ZBTB4: variants seen among roughly 807,000 people sequenced by gnomAD.
ZBTB4 encodes zinc finger and BTB domain containing 4.
In ZBTB4, 14 loss-of-function variants were observed where a neutral mutation model predicts 59.8. The ratio of observed to expected loss-of-function variants is 0.23; its 90% CI spans 0.15 to 0.37. The LOEUF is 0.37. Among genes scored for constraint, ZBTB4 ranks in the 10% least tolerant of loss-of-function variants. ZBTB4 has a pLI of 1.00. For synonymous variants in ZBTB4, 587 were observed against 575.2 expected, an observed-to-expected ratio of 1.02 and a Z score of -0.29; for missense variants, 1,198 against 1,380.8, an observed-to-expected ratio of 0.87 and a Z score of 2.10.
chr17:7,479,925 G>A (rs1328973065), upstream of ZBTB4, among the ~76,000 whole-genome samples: 1 of 151,814 alleles, frequency 6.6e-6, no homozygotes, highest in Non-Finnish European at 1.5e-5. Flanking sequence ...CCTCCTGCAC[G>A]CCCTTCACTC....
Position 7,465,914 on chromosome 17 carries a change from G to C in ZBTB4, c.888C>G (p.Pro296=). The C allele has an allele frequency of 6.2e-7, 1 of 1,611,498 alleles. No homozygotes were observed. Residue 296 remains proline, a synonymous_variant, in exon 3 of 4, where the codon CCC becomes CCG. Transcript: ENST00000380599. ...CGCCCACCACCTTCACCACGTGCTC[G>C]GGGCCCCCTCGGAAGCCCACTGGTG... is the stretch of plus-strand genomic sequence containing the variant. ...LPPPVGFRGG[P]EHVVKVVGGH...
chr17:7,464,478 A>G (rs999859516), intron 3 of ZBTB4, among the ~76,000 whole-genome samples: 1 of 142,178 alleles, frequency 7.0e-6, no homozygotes, highest in East Asian at 2.2e-4. Context: ...CTGGGGCTGG[A>G]GGGAGGCAGA....
upstream of ZBTB4, chr17:7,482,671 G>T (rs1567694922): frequency 6.2e-7 from 1 of 1,612,022 alleles, no homozygotes; most frequent in East Asian, 2.2e-5. Context: ...CTGGCTTGGT[G>T]GGGCTGCTGG....
chr17:7,470,124 G>A (rs1440510901), intron 1 of ZBTB4, among the ~76,000 whole-genome samples: 2 of 151,962 alleles, frequency 1.3e-5, no homozygotes, highest in Non-Finnish European at 2.9e-5. Flanking sequence ...TGGGCTGGGT[G>A]CAGTGGCTCA....
At position 7,463,133 on chromosome 17, in the gene ZBTB4, G is replaced by A. The variant is rs1336834491; in HGVS notation, c.1849C>T (p.Arg617Cys). ...RIGEEAIVKR[R>C]ISETDLRPGE... Reference sequence around the variant, plus strand: ...GGACGCAGGTCAGTCTCTGAGATGCGGCGCTTGACGATGGCCTCCTCCCCT... The same window carrying A: ...GGACGCAGGTCAGTCTCTGAGATGCAGCGCTTGACGATGGCCTCCTCCCCT... The change falls in exon 4 of 4, where the codon CGC (arginine) becomes TGC (cysteine). Residue 617 changes from arginine to cysteine, a missense_variant. Physicochemically the swap from Arg to Cys is radical, Grantham distance 180. Transcript: ENST00000380599. The A allele has an allele frequency of 1.2e-6, 2 of 1,608,340 alleles. No individual in the cohort carries two copies. Among genetic ancestry groups the A allele is most frequent in the Non-Finnish European group, 8.5e-7 (1 of 1,178,844 alleles).
upstream of ZBTB4, chr17:7,482,057 C>T (rs201423781): frequency 2.8e-4 from 458 of 1,613,812 alleles, 1 homozygote; most frequent in African/African-American, 5.0e-3. Context: ...TCCACCCAGC[C>T]TCCGCTGGCA....
At chr17:7,484,031 C>CT (rs67486302), upstream of ZBTB4, 85,621 of 151,322 alleles carry the variant, frequency 0.57, 24,516 homozygotes, top group East Asian at 0.7. Context: ...CATTTTCCAG[C>CT]TGGGGGGGGC....
At chr17:7,482,453 T>A (rs552862684), upstream of ZBTB4, 14 of 1,614,036 alleles carry the variant, frequency 8.7e-6, 1 homozygote, top group South Asian at 1.4e-4. Context: ...TCTCAGTGGC[T>A]ACGACTGGTG....
intron 1 of ZBTB4, among the ~76,000 whole-genome samples, chr17:7,472,807 ATTTATTT>A (rs2070216895): frequency 6.6e-6 from 1 of 150,634 alleles, no homozygotes; most frequent in South Asian, 2.1e-4. Flanking sequence ...TGCCCAGTTA[ATTTATTT>A]TTTATTTTTA....
At chr17:7,465,110 C>T (rs1489428344) in intron 3 of ZBTB4, among the ~76,000 whole-genome samples, 3 of 139,866 alleles carry the variant, frequency 2.1e-5, no homozygotes, top group Admixed American at 1.5e-4. Flanking sequence ...GAGCCGAGAT[C>T]ACGCCACTGC....
rs932674502 is a variant in ZBTB4, at chr17:7,462,515, G to C, written c.2467C>G (p.Gln823Glu). The stretch of plus-strand genomic sequence containing the variant: ...GCCTCACCGCTGGATGAGGAGACTT[G>C]CATCTCTTGGGGGGCTTCCTCCTTG... The part of the protein sequence containing the change: ...DVKEEAPQEM[Q>E]VSSSSGEAGG... Residue 823 changes from glutamine (Q) to glutamate (E), a missense_variant, in exon 4 of 4, where the codon CAA becomes GAA. Transcript: ENST00000380599. This position sits in a 1 kb window ranked among gnomAD's most constrained non-coding sequence, Gnocchi z 7.5. 1 of 1,613,888 alleles carries C rather than the reference G, an allele frequency of 6.2e-7. No homozygotes were observed. Among genetic ancestry groups the C allele is most frequent in the African/African-American group, 1.3e-5 (1 of 74,938 alleles).
At chr17:7,475,505 G>T (rs759329459) in intron 1 of ZBTB4, among the ~76,000 whole-genome samples, 1 of 152,084 alleles carries the variant, frequency 6.6e-6, no homozygotes, top group Middle Eastern at 3.4e-3. Flanking sequence ...AGGCTGGAGC[G>T]CAGTGGCGTG....
At chr17:7,472,634 CT>C (rs71157290) in intron 1 of ZBTB4, among the ~76,000 whole-genome samples, 904 of 72,860 alleles carry the variant, frequency 0.012, 3 homozygotes, top group African/African-American at 0.051. Flanking sequence ...CCTGGCCATT[CT>C]TTTTTTTTTT....
chr17:7,465,612 T>C lies in ZBTB4; in HGVS notation c.1091+99A>G, dbSNP rs1390947085. On this transcript the variant is annotated intron_variant, in intron 3 of 3. Transcript: ENST00000380599. ...TACTGCAGCTAGCCTAGTTTCAGGA[T>C]AACTTTCTAGGCCCCAAGCCCCACC... is the stretch of plus-strand genomic sequence containing the variant. 4 of 1,450,580 alleles carry C rather than the reference T, an allele frequency of 2.8e-6. No individual in the cohort carries two copies. In the African/African-American group the frequency reaches 5.7e-5, roughly 21 times the overall value. The allele number at this position is 1,450,580 out of a possible 1,614,324, so 89.9% of individuals were successfully genotyped here. A position where few individuals can be genotyped will look rare whatever the true frequency, so the allele number is the denominator to read the frequency against.
rs747110313 is a variant in ZBTB4, at chr17:7,463,262, G to A, written c.1720C>T (p.Pro574Ser). The A allele has an allele frequency of 9.3e-6, 15 of 1,611,290 alleles. No individual in the cohort carries two copies. Among genetic ancestry groups the A allele is most frequent in the East Asian group, 6.7e-5 (3 of 44,804 alleles). The change falls in exon 4 of 4, where the codon CCA becomes TCA. Residue 574 changes from proline to serine, a missense_variant. Around this residue, in one of 9 missense-constraint regions of ZBTB4, gnomAD observed 550 missense variants for 541.8 expected, o/e 1.02. Coordinates refer to ENST00000380599, the MANE Select transcript of ZBTB4 (RefSeq NM_001128833.2). ...AGRTLTYTAKPVGGIGGGGGP... is the reference protein window; with the variant it reads ...AGRTLTYTAKSVGGIGGGGGP... ...CCACCTCCACCAATCCCGCCCACTGGCTTGGCTGTGTAAGTCAGAGTCCTT... is the reference window on the plus strand; with the variant it reads ...CCACCTCCACCAATCCCGCCCACTGACTTGGCTGTGTAAGTCAGAGTCCTT...
chr17:7,467,352 AG>A, intron 1 of ZBTB4, 25 bp from the exon 2 acceptor site: 1 of 722,754 alleles, frequency 1.4e-6, no homozygotes, highest in Non-Finnish European at 1.7e-6. Flanking sequence ...AAATTATGTC[AG>A]GGGAACCTAG....
chr17:7,471,587 C>T (rs140786540), intron 1 of ZBTB4, among the ~76,000 whole-genome samples: 453 of 152,274 alleles, frequency 3.0e-3, no homozygotes, highest in Admixed American at 5.7e-3. Flanking sequence ...GCCAACCCAG[C>T]GTTTGGACGC....
upstream of ZBTB4, chr17:7,482,712 C>G (rs760033135): frequency 6.2e-7 from 1 of 1,611,890 alleles, no homozygotes; most frequent in African/African-American, 1.3e-5. Flanking sequence ...GTGCTGCAGC[C>G]CCCCGTGTTG....
chr17:7,463,029 A>ATCCTCCTCC lies in ZBTB4; in HGVS notation c.1944_1952dup (p.Glu648_Glu650dup). 2 of 1,608,708 alleles carry ATCCTCCTCC rather than the reference A, an allele frequency of 1.2e-6. No individual in the cohort carries two copies. The highest frequency in any genetic ancestry group is 1.7e-6 in the Non-Finnish European group (2 of 1,178,836). On this transcript the variant is annotated inframe_insertion, in exon 4 of 4. Coordinates refer to ENST00000380599, the MANE Select transcript of ZBTB4 (RefSeq NM_001128833.2). ...CCCCACCAGCCTTTGATTCCTCCTC[A>ATCCTCCTCC]TCCTCCTCCTCCTCCTCTTCGTCCT...
Sources: gnomAD v4.1 joint callset for allele counts (sites outside exome capture counted in the v4.1 genomes callset) on GRCh38, gnomAD v4.1.1 for gene constraint, gnomAD v4.1.1 regional missense constraint, Gnocchi (gnomAD v3.1) non-coding constraint, MANE v1.5 for transcripts, NCBI Gene and HGNC (gene_info 2026-07-23, HGNC 2026-07-21) for gene names.